The following ZNF331 variants were observed in gnomAD, a reference collection of about 807,000 sequenced individuals.
ZNF331 encodes zinc finger protein 331, also known as C2H2-like zinc finger protein rearranged in thyroid adenomas.
A neutral mutation model predicts 7.0 loss-of-function variants in ZNF331; 2 were observed. That is an observed-to-expected ratio of 0.29 (90% CI 0.12 to 0.90). The LOEUF (loss-of-function observed/expected upper bound fraction) is 0.90. Ranked by LOEUF, ZNF331 falls within the 40% of genes least tolerant of loss-of-function variation. The probability of loss-of-function intolerance (pLI) is 0.58; values close to 1 mark genes in which losing one functional copy is unlikely to be tolerated. For synonymous variants in ZNF331, 196 were observed against 205.4 expected (o/e 0.95, Z 0.39); for missense variants, 432 against 587.7 (o/e 0.74, Z 2.74).
chr19:53,569,470 T>C, intron 4 of ZNF331, 85 bp downstream of exon 4: 1 of 1,478,450 alleles, frequency 6.8e-7, no homozygotes, highest in Non-Finnish European at 9.4e-7. Flanking sequence ...GCCTTTTATC[T>C]AGTCAAGCTC....
Position 53,564,706 on chromosome 19 carries a change from T to C in ZNF331, c.-73-4598T>C, listed in dbSNP as rs1249211171. The stretch of plus-strand genomic sequence containing the variant: ...CATTATATAACATTATTTATATATG[T>C]GTTCTCTACTATGAGATATTTCAGT... On this transcript the variant is annotated intron_variant, in intron 3 of 5. Coordinates refer to ENST00000449416, the MANE Select transcript of ZNF331 (RefSeq NM_001079906.2). Among the ~76,000 whole-genome samples the C allele has an allele frequency of 3.3e-5, 5 of 152,352 alleles. No individual in the cohort carries two copies. In the South Asian group the frequency reaches 8.3e-4, roughly 25 times the overall value.
chr19:53,506,454 C>CTG, the ZNF331 span, among the ~76,000 whole-genome samples: 251 of 100,738 alleles, frequency 2.5e-3, 1 homozygote, highest in African/African-American at 9.7e-3. Context: ...GTCTCTCTCT[C>CTG]TCTCTCTCTC....
intron 2 of ZNF331, chr19:53,523,226 T>A (rs2087155622): frequency 6.6e-6 from 1 of 151,928 alleles, no homozygotes; most frequent in South Asian, 2.1e-4. Flanking sequence ...TACTATATTT[T>A]TTTTTTATTT....
chr19:53,576,835 C>T lies in ZNF331; in HGVS notation c.275C>T (p.Pro92Leu). Residue 92 changes from proline (P) to leucine (L), a missense_variant, in exon 6 of 6, where the codon CCA becomes CTA. Around this residue, in one of 3 missense-constraint regions of ZNF331, gnomAD observed 81 missense variants for 70.3 expected, o/e 1.15. Transcript: ENST00000449416. ...NWICEGTLER[P>L]QRSRGRYVNQ... is the part of the protein sequence containing the mutation. ...ATATGTGAAGGTACGCTTGAAAGAC[C>T]ACAGCGCTCCAGAGGGAGGTATGTC... is the stretch of plus-strand genomic sequence containing the variant. 6.2e-7 allele frequency: 1 copy of T among 1,614,088 alleles called. No homozygotes were observed. Among genetic ancestry groups the T allele is most frequent in the South Asian group, 1.1e-5 (1 of 91,078 alleles).
intron 5 of ZNF331, among the ~76,000 whole-genome samples, chr19:53,576,187 T>TTGGTCAAGC (rs2090714845): frequency 2.0e-5 from 3 of 152,042 alleles, no homozygotes; most frequent in East Asian, 3.9e-4. Flanking sequence ...TTTCTCCATG[T>TTGGTCAAGC]TGGTCAAGCT....
upstream of ZNF331, among the ~76,000 whole-genome samples, chr19:53,514,680 T>TCG: frequency 1.5e-5 from 1 of 66,352 alleles, no homozygotes. Context: ...AGACAGAGTT[T>TCG]CACACTGTCG....
rs151262434 is a variant in ZNF331 at position 53,530,892 on chromosome 19, G to C, written c.-205+8208G>C. ...GTGTGCGAGTATCTTGGGGGCAATG[G>C]GACCCATGCAGGGTGACCATCCTTA... On this transcript the variant is annotated intron_variant, in intron 2 of 6. Coordinates refer to the ZNF331 transcript ENST00000253144. Among the ~76,000 whole-genome samples, 96 of 152,202 alleles carry C rather than the reference G, an allele frequency of 6.3e-4. 4 individuals are homozygous for C. The East Asian group carries it at 0.011, about 18-fold the overall frequency.
At chr19:53,550,322 G>T (rs1334816123) in intron 2 of ZNF331, among the ~76,000 whole-genome samples, 1 of 152,144 alleles carries the variant, frequency 6.6e-6, no homozygotes, top group African/African-American at 2.4e-5. Flanking sequence ...TTTGTTGAAA[G>T]TAGGATTTGA....
At chr19:53,530,534 T>C (rs2087497070) in intron 2 of ZNF331, among the ~76,000 whole-genome samples, 1 of 152,216 alleles carries the variant, frequency 6.6e-6, no homozygotes, top group Non-Finnish European at 1.5e-5. Context: ...CTAATAATGT[T>C]TGATGCAAAG....
rs60619357 is a variant in ZNF331, at chr19:53,550,529, C to CTTTTT, written c.-137-5295_-137-5291dup. Among the ~76,000 whole-genome samples the CTTTTT allele has an allele frequency of 3.6e-3, 231 of 64,540 alleles. 12 individuals carry two copies. The highest frequency in any genetic ancestry group is 0.014 in the South Asian group (16 of 1,152). The allele number at this position is 64,540 out of a possible 152,430, so 42.3% of individuals were successfully genotyped here. ...GTTTTTGATTTAAAGTCTATTTTGT[C>CTTTTT]TTTTTTTTTTTTTTTTTTTTTTTTT... On this transcript the variant is annotated intron_variant, in intron 2 of 5. Coordinates refer to ENST00000449416, the MANE Select transcript of ZNF331 (RefSeq NM_001079906.2).
chr19:53,517,197 G>A (rs576997862), upstream of ZNF331, among the ~76,000 whole-genome samples: 3 of 152,268 alleles, frequency 2.0e-5, no homozygotes, highest in South Asian at 2.1e-4. Context: ...AACACCTGAT[G>A]TACAGAGTTG....
chr19:53,520,639 C>T (rs549098687), upstream of ZNF331, among the ~76,000 whole-genome samples: 15 of 152,348 alleles, frequency 9.8e-5, no homozygotes, highest in East Asian at 2.5e-3. Context: ...CTGACGGCCG[C>T]GCTTCCAGCG....
chr19:53,554,865 G>C (rs923479617), intron 2 of ZNF331: 1 of 152,472 alleles, frequency 6.6e-6, no homozygotes. Flanking sequence ...TCGGCAGTGC[G>C]TCCCCGGGAC....
the ZNF331 span, among the ~76,000 whole-genome samples, chr19:53,505,477 A>G: frequency 2.6e-5 from 4 of 152,062 alleles, no homozygotes; most frequent in African/African-American, 9.7e-5. Context: ...GGGATTACAG[A>G]CGTGAGCCAC....
chr19:53,557,289 G>A (rs1359553290), intron 3 of ZNF331, among the ~76,000 whole-genome samples: 1 of 152,104 alleles, frequency 6.6e-6, no homozygotes, highest in East Asian at 1.9e-4. Context: ...CAGTTCTGGG[G>A]GCTGGAAGCC....
rs1020973825 is a variant in ZNF331 at position 53,576,730 on chromosome 19, C to G, written c.170C>G (p.Pro57Arg). ...TCAGCATATGAAAATAAGAGTTTAC[C>G]TACAGAAAAAAACATTCATGAAATA... ...LESAYENKSL[P>R]TEKNIHEIRA... Residue 57 changes from proline to arginine, a missense_variant, in exon 6 of 6, where the codon CCT becomes CGT. Around this residue, in one of 3 missense-constraint regions of ZNF331, gnomAD observed 39 missense variants for 68.8 expected, o/e 0.57. Transcript: ENST00000449416. 1 of 1,610,854 alleles carries G rather than the reference C, an allele frequency of 6.2e-7. No individual in the cohort carries two copies. Among genetic ancestry groups the G allele is most frequent in the African/African-American group, 1.3e-5 (1 of 74,564 alleles).
intron 3 of ZNF331, among the ~76,000 whole-genome samples, chr19:53,557,651 C>T (rs1021119102): frequency 6.6e-6 from 1 of 152,202 alleles, no homozygotes; most frequent in African/African-American, 2.4e-5. Context: ...CACACCACAA[C>T]GATAATCAAC....
At chr19:53,541,754 G>T (rs867011084) in intron 2 of ZNF331, among the ~76,000 whole-genome samples, 1 of 152,102 alleles carries the variant, frequency 6.6e-6, no homozygotes, top group Non-Finnish European at 1.5e-5. Context: ...ATTTTAAATG[G>T]CCAGCACTTT....
intron 3 of ZNF331, among the ~76,000 whole-genome samples, chr19:53,567,880 C>T (rs1163955236): frequency 6.6e-6 from 1 of 151,130 alleles, no homozygotes; most frequent in African/African-American, 2.4e-5. Flanking sequence ...AAAGGACCCA[C>T]AGAATTCACT....
Sources: allele counts gnomAD v4.1 joint callset (sites outside exome capture counted in the v4.1 genomes callset), GRCh38; gene constraint gnomAD v4.1.1; regional missense constraint gnomAD v4.1.1; transcripts MANE v1.5; gene names NCBI Gene and HGNC (gene_info 2026-07-23, HGNC 2026-07-21).